Variants in GRIK2 observed in about 807,000 individuals in gnomAD.
GRIK2 encodes the protein glutamate receptor ionotropic, kainate 2.
A neutral mutation model predicts 100.3 loss-of-function variants in GRIK2; 32 were observed. The observed-to-expected ratio is 0.32, with a 90% CI of 0.24 to 0.43. The LOEUF (loss-of-function observed/expected upper bound fraction) is 0.43. Among genes scored for constraint, GRIK2 ranks in the 20% least tolerant of loss-of-function variants. The pLI is 1.00. For synonymous variants in GRIK2, 417 were observed against 389.4 expected (o/e 1.07, Z -0.83); for missense variants, 843 against 1,114.9 (o/e 0.76, Z 3.47).
At chr6:101,558,669 C>CTTTTTTTTTTTTTTTTT (rs371713680) in intron 2 of GRIK2, among the ~76,000 whole-genome samples, 1 of 143,398 alleles carries the variant, frequency 7.0e-6, no homozygotes, top group African/African-American at 2.6e-5. Context: ...CCCTTTGCTT[C>CTTTTTTTTTTTTTTTTT]TTTTTTTTTT....
chr6:102,058,995 T>C (rs1771610743), intron 16 of GRIK2, among the ~76,000 whole-genome samples: 1 of 151,302 alleles, frequency 6.6e-6, no homozygotes, highest in Non-Finnish European at 1.5e-5. Flanking sequence ...AATATATTAA[T>C]TTATGGGTGA....
intron 10 of GRIK2, among the ~76,000 whole-genome samples, chr6:101,834,013 G>T (rs1367281346): frequency 6.6e-6 from 1 of 151,938 alleles, no homozygotes; most frequent in East Asian, 1.9e-4. Flanking sequence ...TTTTCTTCTG[G>T]AAGAAATGCT....
In GRIK2 at chr6:101,743,042, C is replaced by T. The variant is rs116789941; in HGVS notation, c.952-56606C>T. 1.9e-3 allele frequency among the ~76,000 whole-genome samples: 288 copies of T among 152,240 alleles called. 2 individuals are homozygous for T. Among genetic ancestry groups the T allele is most frequent in the African/African-American group, 6.5e-3 (269 of 41,544 alleles). ...GATCTATACGAGCATAGTCAAGCTT[C>T]GTGGCTCTTTACGGGAATCATGTTT... On this transcript the variant is annotated intron_variant, in intron 7 of 16. Coordinates refer to ENST00000369134, the MANE Select transcript of GRIK2 (RefSeq NM_021956.5).
chr6:101,720,146 A>G (rs559518842), intron 7 of GRIK2, among the ~76,000 whole-genome samples: 74 of 151,452 alleles, frequency 4.9e-4, no homozygotes, highest in Admixed American at 1.1e-3. Context: ...TCCTCTAGGG[A>G]GCTGTATCAA....
intron 2 of GRIK2, among the ~76,000 whole-genome samples, chr6:101,570,079 G>A (rs1048465776): frequency 2.0e-5 from 3 of 152,034 alleles, no homozygotes; most frequent in Admixed American, 6.6e-5. Flanking sequence ...GCTTAAGACT[G>A]TCTTCCTCAG....
intron 2 of GRIK2, among the ~76,000 whole-genome samples, chr6:101,596,921 C>T (rs987247484): frequency 2.0e-5 from 3 of 151,572 alleles, no homozygotes; most frequent in Non-Finnish European, 2.9e-5. Flanking sequence ...ATTAATCTGC[C>T]AAAAAGACAC....
At chr6:101,928,692 C>T (rs1260060253) in intron 14 of GRIK2, 60 bp downstream of exon 14, 9 of 823,544 alleles carry the variant, frequency 1.1e-5, no homozygotes, top group Non-Finnish European at 1.9e-5. Flanking sequence ...AAACTTCTCT[C>T]GATTCACAAA....
At chr6:101,864,391 G>C (rs1784926708) in intron 11 of GRIK2, among the ~76,000 whole-genome samples, 1 of 152,092 alleles carries the variant, frequency 6.6e-6, no homozygotes, top group African/African-American at 2.4e-5. Context: ...AAAAGCTCCT[G>C]GCACTGATGG....
At chr6:101,831,529 G>A (rs1336841259) in intron 10 of GRIK2, among the ~76,000 whole-genome samples, 2 of 152,128 alleles carry the variant, frequency 1.3e-5, no homozygotes, top group African/African-American at 4.8e-5. Flanking sequence ...ACAATGACAA[G>A]AAGGTTCTTA....
At chr6:101,799,610 T>C (rs1292953335) in intron 7 of GRIK2, 38 bp from the exon 8 acceptor site, 2 of 1,563,070 alleles carry the variant, frequency 1.3e-6, no homozygotes, top group South Asian at 2.2e-5. Flanking sequence ...TTCTACAAGT[T>C]ATATTGACTA....
At chr6:101,955,576 T>TTTCTCTCTCTCTCTCTCTCTCTCTC (rs1491467842) in intron 14 of GRIK2, among the ~76,000 whole-genome samples, 3 of 116,346 alleles carry the variant, frequency 2.6e-5, no homozygotes, top group African/African-American at 1.1e-4. Context: ...GAGCAAGGCC[T>TTTCTCTCTCTCTCTCTCTCTCTCTC]TCTCTCTCTC....
chr6:101,499,392 A>G (rs1773631141), intron 2 of GRIK2, among the ~76,000 whole-genome samples: 1 of 152,066 alleles, frequency 6.6e-6, no homozygotes, highest in African/African-American at 2.4e-5. Context: ...ATGTTAGTAC[A>G]TTTTATAGCT....
intron 9 of GRIK2, among the ~76,000 whole-genome samples, chr6:101,814,013 C>T (rs984898046): frequency 6.6e-6 from 1 of 151,568 alleles, no homozygotes; most frequent in African/African-American, 2.4e-5. Context: ...TGTGTGGCAG[C>T]AGAATGGGAC....
At chr6:102,019,134 T>A (rs1769291121) in intron 14 of GRIK2, among the ~76,000 whole-genome samples, 1 of 152,002 alleles carries the variant, frequency 6.6e-6, no homozygotes, top group Non-Finnish European at 1.5e-5. Context: ...TCTGCTTACT[T>A]TTATCAAGTC....
intron 14 of GRIK2, among the ~76,000 whole-genome samples, chr6:101,971,509 T>C (rs1309006257): frequency 2.0e-5 from 3 of 152,026 alleles, no homozygotes; most frequent in Non-Finnish European, 4.4e-5. Context: ...GGTTATTTTC[T>C]AAACATTTGT....
intron 14 of GRIK2, among the ~76,000 whole-genome samples, chr6:102,003,283 C>CAT (rs1331085756): frequency 2.0e-5 from 3 of 151,414 alleles, no homozygotes. Flanking sequence ...CACACATATA[C>CAT]ATATATGTGT....
At chr6:101,837,997 C>A (rs1194169125) in intron 10 of GRIK2, among the ~76,000 whole-genome samples, 1 of 152,040 alleles carries the variant, frequency 6.6e-6, no homozygotes, top group Non-Finnish European at 1.5e-5. Context: ...TTCCCCTTCT[C>A]CCCCAAAGCA....
intron 11 of GRIK2, among the ~76,000 whole-genome samples, chr6:101,872,491 C>A (rs62419300): frequency 0.19 from 28,142 of 151,708 alleles, 3,262 homozygotes; most frequent in East Asian, 0.29. Context: ...ATGAGGGTAA[C>A]CACCCCCATG....
chr6:101,598,266 C>T (rs1438456313), intron 2 of GRIK2, among the ~76,000 whole-genome samples: 1 of 151,484 alleles, frequency 6.6e-6, no homozygotes, highest in Admixed American at 6.6e-5. Context: ...TTCATTTGCC[C>T]TTGTCTACAA....
Sources: allele counts gnomAD v4.1 joint callset (sites outside exome capture counted in the v4.1 genomes callset), GRCh38; gene constraint gnomAD v4.1.1; transcripts MANE v1.5; gene names NCBI Gene and HGNC (gene_info 2026-07-23, HGNC 2026-07-21).